Variants in FGF10 observed in about 807,000 individuals in gnomAD.
FGF10 encodes the protein FGF-10.
FGF10 carries 2 observed loss-of-function variants against 19.8 expected under a neutral mutation model. That is an observed-to-expected ratio of 0.10 (90% CI 0.04 to 0.32). The LOEUF is 0.32. Ranked by LOEUF, FGF10 falls within the 10% of genes least tolerant of loss-of-function variation. The probability of loss-of-function intolerance (pLI) is 1.00; values close to 1 mark genes in which losing one functional copy is unlikely to be tolerated. For synonymous variants in FGF10, 112 were observed against 94.0 expected, an observed-to-expected ratio of 1.19 and a Z score of -1.10; for missense variants, 191 against 246.3, an observed-to-expected ratio of 0.78 and a Z score of 1.50.
chr5:44,308,873 T>C (rs1030953352), intron 2 of FGF10, among the ~76,000 whole-genome samples: 9 of 152,130 alleles, frequency 5.9e-5, no homozygotes, highest in African/African-American at 1.7e-4. Context: ...GAAATGGAAA[T>C]TGAACTGCAC....
intron 1 of FGF10, among the ~76,000 whole-genome samples, chr5:44,375,940 C>A (rs1741845631): frequency 6.6e-6 from 1 of 151,982 alleles, no homozygotes; most frequent in African/African-American, 2.4e-5. Context: ...GATGATCTTA[C>A]CCATATTACA....
chr5:44,362,071 C>T (rs1741494675), intron 1 of FGF10, among the ~76,000 whole-genome samples: 1 of 151,618 alleles, frequency 6.6e-6, no homozygotes, highest in Non-Finnish European at 1.5e-5. Context: ...AGATAAAACA[C>T]ATAGAAGAGA....
chr5:44,337,243 G>A (rs796222028), intron 1 of FGF10, among the ~76,000 whole-genome samples: 14 of 139,578 alleles, frequency 1.0e-4, no homozygotes, highest in African/African-American at 3.5e-4. Context: ...CAAAAAGAAA[G>A]ATACTATTGA....
intron 1 of FGF10, among the ~76,000 whole-genome samples, chr5:44,319,106 C>T (rs957572403): frequency 4.6e-5 from 7 of 152,104 alleles, no homozygotes; most frequent in South Asian, 2.1e-4. Context: ...CATGAGGCTC[C>T]TGCTAACATT....
At chr5:44,343,064 C>A (rs1349638614) in intron 1 of FGF10, among the ~76,000 whole-genome samples, 1 of 151,812 alleles carries the variant, frequency 6.6e-6, no homozygotes, top group African/African-American at 2.4e-5. Flanking sequence ...CTTACATGAA[C>A]AAATAAAAAT....
intron 1 of FGF10, among the ~76,000 whole-genome samples, chr5:44,334,505 T>C (rs1740804312): frequency 6.6e-6 from 1 of 152,076 alleles, no homozygotes; most frequent in Admixed American, 6.6e-5. Context: ...TTTTTTTTAT[T>C]ATACTTTAAG....
chr5:44,343,140 G>A lies in FGF10; in HGVS notation c.326-32610C>T, dbSNP rs557064871. ...TACAAAAATAATTTTTCATTTAAAA[G>A]CTCTACTTAAAAAATTTTTTTGAAT... is the stretch of plus-strand genomic sequence containing the variant. On this transcript the variant is annotated intron_variant, in intron 1 of 2. Transcript: ENST00000264664. 3.3e-5 allele frequency among the ~76,000 whole-genome samples: 5 copies of A among 152,028 alleles called. No homozygotes were observed. The East Asian group carries it at 7.8e-4, about 24-fold the overall frequency.
chr5:44,385,687 T>C (rs1742081079), intron 1 of FGF10, among the ~76,000 whole-genome samples: 1 of 152,180 alleles, frequency 6.6e-6, no homozygotes, highest in Non-Finnish European at 1.5e-5. Context: ...GAGATCCTAG[T>C]ATTTAACAAG....
intron 1 of FGF10, among the ~76,000 whole-genome samples, chr5:44,368,095 C>T (rs916987387): frequency 6.6e-6 from 1 of 151,990 alleles, no homozygotes; most frequent in African/African-American, 2.4e-5. Flanking sequence ...CAGTCTGCTT[C>T]TTCACAAAAT....
At chr5:44,386,838 A>C (rs1435321445) in intron 1 of FGF10, among the ~76,000 whole-genome samples, 1 of 152,236 alleles carries the variant, frequency 6.6e-6, no homozygotes, top group African/African-American at 2.4e-5. Flanking sequence ...ATGTGTGTGC[A>C]TCCCCACAGA....
chr5:44,348,550 C>G (rs12523512), intron 1 of FGF10, among the ~76,000 whole-genome samples: 41,860 of 151,158 alleles, frequency 0.28, 6,130 homozygotes, highest in Admixed American at 0.39. Context: ...ACTCCCATCC[C>G]AGATAAGGTG....
intron 1 of FGF10, among the ~76,000 whole-genome samples, chr5:44,363,381 GA>G (rs1741535299): frequency 6.6e-6 from 1 of 151,746 alleles, no homozygotes; most frequent in Non-Finnish European, 1.5e-5. Context: ...CCTTCATAAG[GA>G]AATACAATTA....
At chr5:44,318,222 G>C (rs1740400539) in intron 1 of FGF10, among the ~76,000 whole-genome samples, 2 of 152,132 alleles carry the variant, frequency 1.3e-5, no homozygotes, top group Admixed American at 6.6e-5. Flanking sequence ...AAAGAAGCCT[G>C]AACGATTACG....
At chr5:44,360,643 G>A (rs1480441354) in intron 1 of FGF10, among the ~76,000 whole-genome samples, 5 of 151,482 alleles carry the variant, frequency 3.3e-5, no homozygotes, top group Non-Finnish European at 7.4e-5. Context: ...ATTTTTATAG[G>A]TACTTATCAG....
In FGF10 at chr5:44,304,065, G is replaced by A. The variant is rs1415177596; in HGVS notation, c.*930C>T. On this transcript the variant is annotated 3_prime_UTR_variant, in exon 3 of 3. Coordinates refer to ENST00000264664, the MANE Select transcript of FGF10 (RefSeq NM_004465.2). ...TTTCTTGAGACAGGAAGCCTCGAGA[G>A]TAATATATGTTTTCAAATGATAGCA... 1.3e-5 allele frequency: 2 copies of A among 152,132 alleles called. No individual in the cohort carries two copies. The highest frequency in any genetic ancestry group is 4.1e-4 in the South Asian group (2 of 4,824). 9.4% of individuals were successfully genotyped at this position (152,132 alleles called of 1,614,324 possible).
chr5:44,378,374 C>T (rs1741911662), intron 1 of FGF10, among the ~76,000 whole-genome samples: 1 of 152,188 alleles, frequency 6.6e-6, no homozygotes, highest in Non-Finnish European at 1.5e-5. Context: ...AGAACCAGGC[C>T]TCTAACTTTT....
intron 2 of FGF10, among the ~76,000 whole-genome samples, chr5:44,307,173 A>G (rs1740098637): frequency 6.6e-5 from 10 of 152,172 alleles, no homozygotes; most frequent in Admixed American, 4.6e-4. Context: ...TGAAGTGCAC[A>G]TGTATCAGCC....
chr5:44,367,905 TA>T (rs1009436650), intron 1 of FGF10, among the ~76,000 whole-genome samples: 1 of 150,766 alleles, frequency 6.6e-6, no homozygotes, highest in Admixed American at 6.6e-5. Flanking sequence ...CAAAGTAATT[TA>T]AAAAAAACAC....
intron 1 of FGF10, among the ~76,000 whole-genome samples, chr5:44,378,257 C>G (rs1431894975): frequency 6.6e-6 from 1 of 152,140 alleles, no homozygotes; most frequent in Admixed American, 6.5e-5. Context: ...GAATTTTCTA[C>G]TTGTGGCATC....
Sources: allele counts gnomAD v4.1 joint callset (sites outside exome capture counted in the v4.1 genomes callset), GRCh38; gene constraint gnomAD v4.1.1; transcripts MANE v1.5; gene names NCBI Gene and HGNC (gene_info 2026-07-23, HGNC 2026-07-21).